LPA: variants seen among roughly 807,000 people sequenced by gnomAD.
LPA encodes lipoprotein(a), also known as apolipoprotein(a).
In LPA, 199 loss-of-function variants were observed where a neutral mutation model predicts 197.9. That is an observed-to-expected ratio of 1.01 (90% CI 0.90 to 1.13). LPA has a LOEUF of 1.13. Ranked by LOEUF, LPA falls within the 50% of genes most tolerant of loss-of-function variation. The probability of loss-of-function intolerance (pLI) is 0.00; values close to 1 mark genes in which losing one functional copy is unlikely to be tolerated. For synonymous variants in LPA, 715 were observed against 639.5 expected, an observed-to-expected ratio of 1.12 and a Z score of -1.78; for missense variants, 1,853 against 1,785.8, an observed-to-expected ratio of 1.04 and a Z score of -0.68.
In LPA at chr6:160,654,051, ATATAT is replaced by A. The variant is rs1175606657; in HGVS notation, c.50-3559_50-3555del. The stretch of plus-strand genomic sequence containing the variant: ...TAATATATATTATATATAATATATA[ATATAT>A]TATATATATTATATATAATATATAT... On this transcript the variant is annotated intron_variant, in intron 1 of 38. Coordinates refer to ENST00000316300, the MANE Select transcript of LPA (RefSeq NM_005577.4). 1.1e-3 allele frequency among the ~76,000 whole-genome samples: 8 copies of A among 7,116 alleles called. 2 individuals carry two copies. The highest frequency in any genetic ancestry group is 1.8e-3 in the Non-Finnish European group (8 of 4,506). 4.7% of individuals were successfully genotyped at this position (7,116 alleles called of 152,430 possible).
At chr6:160,662,391 C>T (rs1390001022) in intron 1 of LPA, among the ~76,000 whole-genome samples, 3 of 152,180 alleles carry the variant, frequency 2.0e-5, no homozygotes, top group Non-Finnish European at 4.4e-5. Context: ...TTCTCCGCTT[C>T]TCACTGAGCA....
intron 26 of LPA, among the ~76,000 whole-genome samples, chr6:160,582,598 C>A (rs1226733070): frequency 6.6e-6 from 1 of 152,040 alleles, no homozygotes; most frequent in Non-Finnish European, 1.5e-5. Flanking sequence ...TTCCCTTGGG[C>A]TTCAAATAAG....
intron 30 of LPA, among the ~76,000 whole-genome samples, chr6:160,551,154 A>G (rs954224165): frequency 6.6e-6 from 1 of 152,194 alleles, no homozygotes; most frequent in African/African-American, 2.4e-5. Flanking sequence ...TTGCACTTTC[A>G]CCAGCATATG....
At chr6:160,534,781 T>C (rs150900418) in intron 37 of LPA, among the ~76,000 whole-genome samples, 21 of 152,254 alleles carry the variant, frequency 1.4e-4, no homozygotes, top group African/African-American at 5.1e-4. Flanking sequence ...GGGAGCCCAG[T>C]GCAGGATGGT....
At chr6:160,661,938 T>C (rs894032042) in intron 1 of LPA, among the ~76,000 whole-genome samples, 2 of 152,190 alleles carry the variant, frequency 1.3e-5, no homozygotes, top group East Asian at 1.9e-4. Flanking sequence ...CAGGCTACAA[T>C]TGATATTCAA....
intron 1 of LPA, among the ~76,000 whole-genome samples, chr6:160,658,490 A>G (rs943953939): frequency 9.9e-5 from 15 of 152,096 alleles, no homozygotes; most frequent in African/African-American, 3.6e-4. Flanking sequence ...TGAGATCATC[A>G]TTTTCTTTCA....
chr6:160,544,852 A>G (rs1414650892), intron 33 of LPA, among the ~76,000 whole-genome samples: 3 of 152,148 alleles, frequency 2.0e-5, no homozygotes, highest in African/African-American at 7.2e-5. Context: ...TCATACTCCC[A>G]ATAAGAGTCT....
At chr6:160,542,435 G>A (rs1023158389) in intron 34 of LPA, among the ~76,000 whole-genome samples, 1 of 152,122 alleles carries the variant, frequency 6.6e-6, no homozygotes, top group African/African-American at 2.4e-5. Context: ...ATTGGAACTT[G>A]GTGCAAATCA....
At chr6:160,586,040 A>C (rs1244185641) in intron 25 of LPA, among the ~76,000 whole-genome samples, 1 of 152,176 alleles carries the variant, frequency 6.6e-6, no homozygotes, top group African/African-American at 2.4e-5. Context: ...ACAGCCTCAA[A>C]AATGGCATTC....
intron 7 of LPA, among the ~76,000 whole-genome samples, 174 bp downstream of exon 7, chr6:160,634,949 G>C (rs1294874851): frequency 6.7e-6 from 1 of 150,264 alleles, no homozygotes; most frequent in Non-Finnish European, 1.5e-5. Flanking sequence ...AGTTGCACCA[G>C]AAATCACTCC....
At chr6:160,598,904 G>T (rs569603656) in intron 20 of LPA, among the ~76,000 whole-genome samples, 41 of 152,280 alleles carry the variant, frequency 2.7e-4, no homozygotes, top group African/African-American at 9.4e-4. Context: ...AGGTGAAAAG[G>T]TTGTATTAAC....
rs572440642 is a variant in LPA, at chr6:160,571,490, A to C, written c.4631+5646T>G. On this transcript the variant is annotated intron_variant, in intron 28 of 38. Coordinates refer to ENST00000316300, the MANE Select transcript of LPA (RefSeq NM_005577.4). ...TGCACTCACAGCCACCCCTTCCTCC[A>C]GTTGCTCTGTCCCAGGGAGATGGGA... Among the ~76,000 whole-genome samples, 4 of 152,258 alleles carry C rather than the reference A, an allele frequency of 2.6e-5. No homozygotes were observed. The South Asian group carries it at 8.3e-4, about 32-fold the overall frequency.
rs115740213 is a variant in LPA, at chr6:160,655,678, G to A, written c.50-5181C>T. ...CCACTGGAACCCTAGAAATTTTACC[G>A]AGGTAGAAAGTCCCTAAATTTTAGC... On this transcript the variant is annotated intron_variant, in intron 1 of 38. Coordinates refer to ENST00000316300, the MANE Select transcript of LPA (RefSeq NM_005577.4). 5.9e-5 allele frequency among the ~76,000 whole-genome samples: 9 copies of A among 152,300 alleles called. No homozygotes were observed. In the South Asian group the frequency reaches 1.0e-3, roughly 18 times the overall value.
At chr6:160,574,294 A>G (rs1778615810) in intron 28 of LPA, among the ~76,000 whole-genome samples, 1 of 151,914 alleles carries the variant, frequency 6.6e-6, no homozygotes, top group Non-Finnish European at 1.5e-5. Context: ...GTGGGGGGAA[A>G]GTCAGGCTTG....
chr6:160,534,532 C>T (rs941132813), intron 37 of LPA, among the ~76,000 whole-genome samples: 1 of 152,166 alleles, frequency 6.6e-6, no homozygotes, highest in Non-Finnish European at 1.5e-5. Context: ...GCCCCTTGGC[C>T]TCAACACCAC....
intron 30 of LPA, among the ~76,000 whole-genome samples, chr6:160,551,511 C>T (rs1393506562): frequency 6.6e-6 from 1 of 152,150 alleles, no homozygotes; most frequent in Non-Finnish European, 1.5e-5. Flanking sequence ...TTAACAATGA[C>T]TTTTGGTAAG....
rs1396612644 is a variant in LPA at position 160,590,934 on chromosome 6, G to T, written c.3787+10C>A. 6 of 1,613,784 alleles carry T rather than the reference G, an allele frequency of 3.7e-6. No individual in the cohort carries two copies. Among genetic ancestry groups the T allele is most frequent in the Non-Finnish European group, 5.1e-6 (6 of 1,179,854 alleles). On this transcript the variant is annotated intron_variant, in intron 23 of 38. Coordinates refer to ENST00000316300, the MANE Select transcript of LPA (RefSeq NM_005577.4). ...CCAAGGGTGTGGTTGTCTGGCCAGA[G>T]ACTTCTTACCTTGTTCAGAAACAGC...
At chr6:160,588,334 T>C (rs1363952757) in intron 24 of LPA, among the ~76,000 whole-genome samples, 1 of 152,114 alleles carries the variant, frequency 6.6e-6, no homozygotes, top group African/African-American at 2.4e-5. Flanking sequence ...GAAGAAGGGT[T>C]GTTGGAGTTT....
At chr6:160,546,452 A>G (rs1778073278) in intron 32 of LPA, among the ~76,000 whole-genome samples, 1 of 152,126 alleles carries the variant, frequency 6.6e-6, no homozygotes, top group Admixed American at 6.5e-5. Context: ...ATCCTTTTTA[A>G]TATCTTTTAT....
Sources: gnomAD v4.1 joint callset for allele counts (sites outside exome capture counted in the v4.1 genomes callset) on GRCh38, gnomAD v4.1.1 for gene constraint, MANE v1.5 for transcripts, NCBI Gene and HGNC (gene_info 2026-07-23, HGNC 2026-07-21) for gene names.